The following IGFN1 variants were observed in gnomAD, a reference collection of about 807,000 sequenced individuals.
The protein encoded by IGFN1 is immunoglobulin like and fibronectin type III domain containing 1.
In IGFN1, 253 loss-of-function variants were observed where a neutral mutation model predicts 289.5. The ratio of observed to expected loss-of-function variants is 0.87; its 90% CI spans 0.79 to 0.97. IGFN1 has a LOEUF of 0.97. Among genes scored for constraint, IGFN1 ranks in the 50% least tolerant of loss-of-function variants. The pLI, the probability that IGFN1 is intolerant of heterozygous loss-of-function variation, is 0.00. For missense variants in IGFN1, 4,470 were observed against 4,686.1 expected, an observed-to-expected ratio of 0.95 and a Z score of 1.35; for synonymous variants, 1,706 against 1,788.5, an observed-to-expected ratio of 0.95 and a Z score of 1.16.
chr1:201,213,184 G>T lies in IGFN1; in HGVS notation c.8291G>T (p.Arg2764Leu). 1 of 1,551,680 alleles carries T rather than the reference G, an allele frequency of 6.4e-7. No homozygotes were observed. Among genetic ancestry groups the T allele is most frequent in the South Asian group, 1.2e-5 (1 of 84,068 alleles). Reference protein sequence around the residue: ...SGGTQDLSSQRGKGQRGGKRS... With the variant: ...SGGTQDLSSQLGKGQRGGKRS... Reference sequence around the variant, plus strand: ...GGGACCCAGGACCTGAGCTCTCAGCGAGGCAAGGGACAGAGAGGAGGAAAG... The same window carrying T: ...GGGACCCAGGACCTGAGCTCTCAGCTAGGCAAGGGACAGAGAGGAGGAAAG... Residue 2764 changes from arginine to leucine, a missense_variant, in exon 12 of 24, where the codon CGA becomes CTA. By Grantham distance (102) the Arg-to-Leu change is moderately radical. Around this residue, in one of 8 missense-constraint regions of IGFN1, gnomAD observed 2,218 missense variants for 2,114.1 expected, o/e 1.05. Coordinates refer to ENST00000335211, the MANE Select transcript of IGFN1 (RefSeq NM_001164586.2).
At chr1:201,194,934 G>T (rs932769400) in intron 3 of IGFN1, among the ~76,000 whole-genome samples, 5 of 152,308 alleles carry the variant, frequency 3.3e-5, no homozygotes, top group African/African-American at 1.2e-4. Context: ...GGTCTATATT[G>T]CTGTCTACTG....
Position 201,206,203 on chromosome 1 carries a change from A to G in IGFN1, c.1310A>G (p.Glu437Gly), listed in dbSNP as rs1440128516. 1.0e-5 allele frequency: 16 copies of G among 1,549,656 alleles called. No individual in the cohort carries two copies. The highest frequency in any genetic ancestry group is 1.7e-4 in the Middle Eastern group (1 of 5,980). Residue 437 changes from glutamate to glycine, a missense_variant, in exon 12 of 24, where the codon GAG (glutamate) becomes GGG (glycine). Glu to Gly is a moderately conservative substitution (Grantham distance 98, BLOSUM62 -2). This residue lies in a region of IGFN1 where 2,011 missense variants were observed against 1,953.4 expected (regional missense o/e 1.03). Coordinates refer to ENST00000335211, the MANE Select transcript of IGFN1 (RefSeq NM_001164586.2). ...GAGAGCCAGGGAGAGAAATCCAGAG[A>G]GCAGGGCCCCAGGGGGGGCTCCCTT... ...SIESQGEKSREQGPRGGSLEG... is the reference protein window; with the variant it reads ...SIESQGEKSRGQGPRGGSLEG...
At chr1:201,216,042 T>A in intron 15 of IGFN1, 1 of 728,230 alleles carries the variant, frequency 1.4e-6, no homozygotes. Context: ...GGGCTCCTGC[T>A]GGGGGGGAGG....
Position 201,207,306 on chromosome 1 carries a change from G to C in IGFN1, c.2413G>C (p.Glu805Gln). 4 of 1,536,804 alleles carry C rather than the reference G, an allele frequency of 2.6e-6. No homozygotes were observed. The highest frequency in any genetic ancestry group is 3.5e-6 in the Non-Finnish European group (4 of 1,146,902). The change falls in exon 12 of 24, where the codon GAG (glutamate) becomes CAG (glutamine). Residue 805 changes from glutamate (E) to glutamine (Q), a missense_variant. Physicochemically the swap from Glu to Gln is conservative, Grantham distance 29 (BLOSUM62 2). This residue lies in a region of IGFN1 where 2,011 missense variants were observed against 1,953.4 expected (regional missense o/e 1.03). Coordinates refer to ENST00000335211, the MANE Select transcript of IGFN1 (RefSeq NM_001164586.2). ...DGQETAWASG[E>Q]VEYDPRSFQS... ...CCAGGAAACAGCTTGGGCCTCGGGT[G>C]AGGTAGAGTATGACCCCAGAAGCTT... is the stretch of plus-strand genomic sequence containing the variant.
Position 201,200,372 on chromosome 1 carries a change from G to A in IGFN1, c.594G>A (p.Leu198=), listed in dbSNP as rs1387386182. The change falls in exon 8 of 24, where the codon CTG becomes CTA. Residue 198 remains leucine, a synonymous_variant. Transcript: ENST00000335211. ...ACTACCGTGGCATGTTGCGCAGGCT[G>A]CAGGAGATGAAGAAGGAACAGGAGG... is the stretch of plus-strand genomic sequence containing the variant. ...IVDYRGMLRR[L]QEMKKEQEDK... The A allele has an allele frequency of 1.3e-6, 2 of 1,551,786 alleles. No individual in the cohort carries two copies. Among genetic ancestry groups the A allele is most frequent in the African/African-American group, 2.7e-5 (2 of 73,184 alleles).
intron 10 of IGFN1, among the ~76,000 whole-genome samples, 191 bp from the exon 11 acceptor site, chr1:201,204,891 A>T (rs1226592815): frequency 6.6e-6 from 1 of 152,200 alleles, no homozygotes; most frequent in Non-Finnish European, 1.5e-5. Context: ...CTCATTGCTC[A>T]TAACTGTAGC....
At chr1:201,192,180 C>T (rs778808315) in intron 1 of IGFN1, among the ~76,000 whole-genome samples, 2 of 152,182 alleles carry the variant, frequency 1.3e-5, no homozygotes, top group African/African-American at 2.4e-5. Context: ...GCTGGGCTGG[C>T]GAGGGGCTGC....
chr1:201,193,367 G>C (rs1666743524), intron 2 of IGFN1, 67 bp downstream of exon 2: 2 of 1,165,928 alleles, frequency 1.7e-6, no homozygotes, highest in Non-Finnish European at 2.5e-6. Context: ...AGAGAGGAGA[G>C]AAGTGGTAGG....
chr1:201,212,727 A>G lies in IGFN1; in HGVS notation c.7834A>G (p.Thr2612Ala). The G allele has an allele frequency of 1.3e-6, 2 of 1,551,318 alleles. No homozygotes were observed. The highest frequency in any genetic ancestry group is 8.7e-7 in the Non-Finnish European group (1 of 1,146,786). The change falls in exon 12 of 24, where the codon ACA (threonine) becomes GCA (alanine). Residue 2612 changes from threonine to alanine, a missense_variant. Physicochemically the swap from Thr to Ala is moderately conservative, Grantham distance 58. This residue lies in a region of IGFN1 where 2,218 missense variants were observed against 2,114.1 expected (regional missense o/e 1.05). Transcript: ENST00000335211. ...GSMPGGRGKS[T>A]SGPADRQGTS... ...TATGCCTGGGGGAAGGGGCAAGTCA[A>G]CATCAGGGCCTGCTGATAGACAAGG...
In IGFN1 at chr1:201,210,800, T is replaced by C. The variant is rs777015800; in HGVS notation, c.5907T>C (p.Pro1969=). The C allele has an allele frequency of 1.3e-6, 2 of 1,529,816 alleles. No homozygotes were observed. Among genetic ancestry groups the C allele is most frequent in the African/African-American group, 1.4e-5 (1 of 71,410 alleles). 94.8% of individuals were successfully genotyped at this position (1,529,816 alleles called of 1,614,324 possible). The change falls in exon 12 of 24, where the codon CCT becomes CCC. Residue 1969 remains proline, a synonymous_variant. Transcript: ENST00000335211. ...KAGYRKDLGA[P]KGMGSGSKEG... The stretch of plus-strand genomic sequence containing the variant: ...GTTATAGGAAGGATTTGGGGGCTCC[T>C]AAGGGAATGGGTTCAGGGAGTAAGG...
Position 201,212,575 on chromosome 1 carries a change from C to CAGACAGGGCCTGGGA in IGFN1, c.7690_7691insCCTGGGAAGACAGGG (p.Arg2563_Gly2564insAlaTrpGluAspArg), listed in dbSNP as rs1394143175. ...ATCTGGAAAGCAGGCCCAGGAATGA[C>CAGACAGGGCCTGGGA]AGACAGGGGTAGAGTTGCTGGCCAG... is the stretch of plus-strand genomic sequence containing the variant. On this transcript the variant is annotated inframe_insertion, in exon 12 of 24. Coordinates refer to ENST00000335211, the MANE Select transcript of IGFN1 (RefSeq NM_001164586.2). 6.5e-7 allele frequency: 1 copy of CAGACAGGGCCTGGGA among 1,549,712 alleles called. No individual in the cohort carries two copies. The highest frequency in any genetic ancestry group is 1.2e-5 in the South Asian group (1 of 83,864).
intron 23 of IGFN1, 140 bp from the exon 24 acceptor site, chr1:201,228,246 G>A (rs1261560263): frequency 4.6e-6 from 4 of 860,396 alleles, no homozygotes; most frequent in African/African-American, 1.6e-5. Context: ...AGAGCACGTG[G>A]TGGCTCCAGA....
In IGFN1 at chr1:201,208,860, G is replaced by T; in HGVS notation, c.3967G>T (p.Gly1323Cys). Residue 1323 changes from glycine to cysteine, a missense_variant, in exon 12 of 24, where the codon GGT (glycine) becomes TGT (cysteine). This residue lies in a region of IGFN1 where 2,011 missense variants were observed against 1,953.4 expected (regional missense o/e 1.03). Coordinates refer to ENST00000335211, the MANE Select transcript of IGFN1 (RefSeq NM_001164586.2). Reference protein sequence around the residue: ...SGAMGSMDEAGYRKDLGAPEG... With the variant: ...SGAMGSMDEACYRKDLGAPEG... ...GGCAATGGGGTCAATGGATGAAGCAGGTTATAGGAAAGATTTAGGGGCTCC... is the reference window on the plus strand; with the variant it reads ...GGCAATGGGGTCAATGGATGAAGCATGTTATAGGAAAGATTTAGGGGCTCC... The T allele has an allele frequency of 2.6e-6, 4 of 1,536,848 alleles. No homozygotes were observed. Among genetic ancestry groups the T allele is most frequent in the Non-Finnish European group, 3.5e-6 (4 of 1,146,798 alleles).
chr1:201,227,019 C>G lies in IGFN1; in HGVS notation c.10924C>G (p.Arg3642Gly). 6.2e-7 allele frequency: 1 copy of G among 1,613,486 alleles called. No individual in the cohort carries two copies. The highest frequency in any genetic ancestry group is 8.5e-7 in the Non-Finnish European group (1 of 1,180,034). Residue 3642 changes from arginine to glycine, a missense_variant, in exon 23 of 24, where the codon CGG (arginine) becomes GGG (glycine). This residue lies in a region of IGFN1 where 2,218 missense variants were observed against 2,114.1 expected (regional missense o/e 1.05). Transcript: ENST00000335211. ...GAGCTGTGCCGTGCAGGGCTCGCCC[C>G]GGCCCCACGTCACCTGGTTCAAGAA... ...CMSCAVQGSP[R>G]PHVTWFKNDR... is the part of the protein sequence containing the mutation.
At chr1:201,217,197 C>T (rs1653365607) in intron 16 of IGFN1, 90 bp from the exon 17 acceptor site, 2 of 1,172,558 alleles carry the variant, frequency 1.7e-6, no homozygotes, top group African/African-American at 1.5e-5. Flanking sequence ...TGGCCTGTCC[C>T]AGATGCCTGT....
Position 201,208,145 on chromosome 1 carries a change from G to A in IGFN1, c.3252G>A (p.Gly1084=), listed in dbSNP as rs1052834990. Residue 1084 remains glycine, a synonymous_variant, in exon 12 of 24, where the codon GGG becomes GGA. Coordinates refer to ENST00000335211, the MANE Select transcript of IGFN1 (RefSeq NM_001164586.2). ...DGGLGSPGVT[G]SAGRGGLKAP... ...GCCTAGGGAGTCCTGGGGTGACAGG[G>A]TCTGCGGGTAGAGGTGGTCTCAAGG... is the stretch of plus-strand genomic sequence containing the variant. 2 of 1,537,066 alleles carry A rather than the reference G, an allele frequency of 1.3e-6. No individual in the cohort carries two copies. Among genetic ancestry groups the A allele is most frequent in the East Asian group, 2.4e-5 (1 of 40,904 alleles).
intron 18 of IGFN1, among the ~76,000 whole-genome samples, chr1:201,219,268 A>T (rs1319364831): frequency 6.6e-6 from 1 of 152,160 alleles, no homozygotes; most frequent in African/African-American, 2.4e-5. Context: ...ATCACCTACT[A>T]AATGGCCAGC....
chr1:201,225,747 C>A, intron 21 of IGFN1, 77 bp from the exon 22 acceptor site: 1 of 1,359,664 alleles, frequency 7.4e-7, no homozygotes, highest in Non-Finnish European at 1.0e-6. Context: ...CCTCAGAAGT[C>A]CTGGGACCTG....
rs1667735234 is a variant in IGFN1, at chr1:201,210,958, G to C, written c.6065G>C (p.Gly2022Ala). 8 of 808,754 alleles carry C rather than the reference G, an allele frequency of 9.9e-6. No homozygotes were observed. Among genetic ancestry groups the C allele is most frequent in the Non-Finnish European group, 1.4e-5 (8 of 567,568 alleles). The allele number at this position is 808,754 out of a possible 1,614,324, so 50.1% of individuals were successfully genotyped here. A position where few individuals can be genotyped will look rare whatever the true frequency, so the allele number is the denominator to read the frequency against. ...SKAGFRDGLG[G>A]SEEMRSMDEA... Reference sequence around the variant, plus strand: ...GCAGGTTTCAGGGATGGTTTAGGGGGTTCTGAAGAAATGCGGTCAATGGAT... The same window carrying C: ...GCAGGTTTCAGGGATGGTTTAGGGGCTTCTGAAGAAATGCGGTCAATGGAT... The change falls in exon 12 of 24, where the codon GGT (glycine) becomes GCT (alanine). Residue 2022 changes from glycine (G) to alanine (A), a missense_variant. By Grantham distance (60) the Gly-to-Ala change is moderately conservative (BLOSUM62 0). Transcript: ENST00000335211.
Sources: gnomAD v4.1 joint callset for allele counts (sites outside exome capture counted in the v4.1 genomes callset) on GRCh38, gnomAD v4.1.1 for gene constraint, gnomAD v4.1.1 regional missense constraint, MANE v1.5 for transcripts, NCBI Gene and HGNC (gene_info 2026-07-23, HGNC 2026-07-21) for gene names.